Variants in EPHA6 observed in about 807,000 individuals in gnomAD.
The protein encoded by EPHA6 is EPH receptor A6.
Under a neutral mutation model 112.0 loss-of-function variants are expected in EPHA6, and 50 were observed. That is an observed-to-expected ratio of 0.45 (90% CI 0.36 to 0.56). EPHA6 has a LOEUF of 0.56. EPHA6 is among the 20% of genes least tolerant of loss of function. The pLI, the probability that EPHA6 is intolerant of heterozygous loss-of-function variation, is 0.00. For missense variants in EPHA6, 1,280 were observed against 1,417.4 expected (o/e 0.90, Z 1.56); for synonymous variants, 529 against 490.7 (o/e 1.08, Z -1.03).
At chr3:97,134,258 C>T (rs562484077) in intron 3 of EPHA6, among the ~76,000 whole-genome samples, 30 of 152,134 alleles carry the variant, frequency 2.0e-4, no homozygotes, top group African/African-American at 6.7e-4. Flanking sequence ...TAGATTGCTT[C>T]TTTCATTTAT....
chr3:97,546,257 C>A (rs1292161863), intron 11 of EPHA6, among the ~76,000 whole-genome samples: 1 of 152,132 alleles, frequency 6.6e-6, no homozygotes, highest in African/African-American at 2.4e-5. Context: ...TAGGGCAGGC[C>A]TGGTGGTGAC....
At position 97,139,542 on chromosome 3, in the gene EPHA6, C is replaced by A. The variant is rs557013352; in HGVS notation, c.1115-86722C>A. On this transcript the variant is annotated intron_variant, in intron 3 of 17. Coordinates refer to ENST00000389672, the MANE Select transcript of EPHA6 (RefSeq NM_001080448.3). ...ACAAGTACTAAAACCTACAAATAAC[C>A]AGCATTTGAGAAAGCCACTATACTA... Among the ~76,000 whole-genome samples, 8 of 152,200 alleles carry A rather than the reference C, an allele frequency of 5.3e-5. No individual in the cohort carries two copies. The East Asian group carries it at 1.5e-3, about 29-fold the overall frequency.
chr3:97,528,332 G>C (rs187335284), intron 10 of EPHA6, among the ~76,000 whole-genome samples: 2 of 152,260 alleles, frequency 1.3e-5, no homozygotes, highest in East Asian at 3.9e-4. Context: ...GGGCCTGTTG[G>C]TGCTGGGAGG....
chr3:97,356,449 G>A (rs775762726), intron 5 of EPHA6, among the ~76,000 whole-genome samples: 7 of 152,130 alleles, frequency 4.6e-5, no homozygotes, highest in Admixed American at 2.0e-4. Flanking sequence ...AGTCAAAGAC[G>A]TTGGGGACAG....
intron 3 of EPHA6, among the ~76,000 whole-genome samples, chr3:97,063,782 CT>C (rs1342410934): frequency 6.6e-6 from 1 of 152,140 alleles, no homozygotes; most frequent in African/African-American, 2.4e-5. Context: ...AACCCTTCAT[CT>C]TCTAGTGTCT....
intron 11 of EPHA6, among the ~76,000 whole-genome samples, chr3:97,556,774 T>G (rs1416150618): frequency 6.6e-6 from 1 of 152,034 alleles, no homozygotes; most frequent in Non-Finnish European, 1.5e-5. Flanking sequence ...ACTTTGTAAA[T>G]CTACTAAAAA....
At chr3:97,100,201 G>A (rs898285568) in intron 3 of EPHA6, among the ~76,000 whole-genome samples, 4 of 150,546 alleles carry the variant, frequency 2.7e-5, no homozygotes, top group African/African-American at 9.7e-5. Context: ...AAGAAATGCA[G>A]TCACCTAGAG....
intron 2 of EPHA6, among the ~76,000 whole-genome samples, chr3:96,974,526 A>G (rs1241905259): frequency 6.6e-6 from 1 of 151,302 alleles, no homozygotes; most frequent in Non-Finnish European, 1.5e-5. Flanking sequence ...TAAAATATCA[A>G]TATATAAAAT....
chr3:97,419,193 C>G (rs1306298464), intron 6 of EPHA6, among the ~76,000 whole-genome samples: 1 of 152,108 alleles, frequency 6.6e-6, no homozygotes, highest in African/African-American at 2.4e-5. Context: ...ATCCCAGCTA[C>G]TCAGGAGGCT....
At chr3:97,269,500 G>A (rs188538143) in intron 5 of EPHA6, among the ~76,000 whole-genome samples, 133 of 152,142 alleles carry the variant, frequency 8.7e-4, no homozygotes, top group Middle Eastern at 3.4e-3. Context: ...GCTTCATTTC[G>A]AACAAAAATC....
At chr3:97,625,901 A>G (rs966797522) in intron 13 of EPHA6, among the ~76,000 whole-genome samples, 2 of 151,664 alleles carry the variant, frequency 1.3e-5, no homozygotes, top group Non-Finnish European at 3.0e-5. Context: ...CACATCTCCC[A>G]AGACTGGAGT....
intron 13 of EPHA6, among the ~76,000 whole-genome samples, chr3:97,628,703 C>A (rs557466889): frequency 1.3e-5 from 2 of 151,944 alleles, no homozygotes; most frequent in South Asian, 2.1e-4. Flanking sequence ...TTAAAGAGAT[C>A]TTTTAAATAT....
chr3:97,680,888 T>C (rs1292007786), intron 14 of EPHA6, among the ~76,000 whole-genome samples: 2 of 152,212 alleles, frequency 1.3e-5, no homozygotes, highest in Non-Finnish European at 2.9e-5. Context: ...CTTTGTACTT[T>C]CATGAGTTTC....
chr3:97,017,569 C>G (rs1286777029), intron 3 of EPHA6, among the ~76,000 whole-genome samples: 2 of 152,178 alleles, frequency 1.3e-5, no homozygotes, highest in Admixed American at 1.3e-4. Context: ...GAATCTAGGG[C>G]TGAACTGGAC....
intron 3 of EPHA6, among the ~76,000 whole-genome samples, chr3:97,005,343 G>A (rs1274923927): frequency 6.6e-6 from 1 of 152,064 alleles, no homozygotes; most frequent in Non-Finnish European, 1.5e-5. Flanking sequence ...TCCCTTGTTA[G>A]CTGTATTCCT....
At chr3:97,587,250 A>G (rs1374466727) in intron 11 of EPHA6, among the ~76,000 whole-genome samples, 2 of 152,104 alleles carry the variant, frequency 1.3e-5, no homozygotes, top group African/African-American at 4.8e-5. Context: ...CAAAAAAAAA[A>G]AAAGAAACTA....
chr3:97,286,214 T>C (rs1305246653), intron 5 of EPHA6, among the ~76,000 whole-genome samples: 1 of 152,196 alleles, frequency 6.6e-6, no homozygotes, highest in Non-Finnish European at 1.5e-5. Context: ...GATTATTTCC[T>C]TTGCTGTGCA....
chr3:97,032,414 G>T (rs191527563), intron 3 of EPHA6, among the ~76,000 whole-genome samples: 1 of 151,962 alleles, frequency 6.6e-6, no homozygotes, highest in African/African-American at 2.4e-5. Context: ...AAACCTGCAC[G>T]TTGTGCACAT....
At chr3:96,817,520 A>G (rs1016686758) in intron 1 of EPHA6, among the ~76,000 whole-genome samples, 2 of 151,944 alleles carry the variant, frequency 1.3e-5, no homozygotes, top group African/African-American at 4.8e-5. Context: ...AATATAATTC[A>G]TATTTAGTAT....
Sources: allele counts gnomAD v4.1 joint callset (sites outside exome capture counted in the v4.1 genomes callset), GRCh38; gene constraint gnomAD v4.1.1; transcripts MANE v1.5; gene names NCBI Gene and HGNC (gene_info 2026-07-23, HGNC 2026-07-21).